Variants in OR10R2 observed in about 807,000 individuals in gnomAD.
OR10R2 encodes olfactory receptor 10R2.
OR10R2 carries 1 observed loss-of-function variant against 2.4 expected under a neutral mutation model. The observed-to-expected ratio is 0.41, with a 90% CI of 0.15 to 1.95. The LOEUF is 1.95. Ranked by LOEUF, OR10R2 falls within the 30% of genes most tolerant of loss-of-function variation. The pLI is 0.30. For synonymous variants in OR10R2, 166 were observed against 144.8 expected (o/e 1.15, Z -1.05); for missense variants, 419 against 373.0 (o/e 1.12, Z -1.01).
rs747840453 is a variant in OR10R2 at position 158,480,264 on chromosome 1, T to A, written c.354T>A (p.Ile118=). ...TGTTCTTCTTCCTTGGTTTTGCCAT[T>A]ACCAACTGCCTGCTATTGGGTGTGA... The change falls in exon 2 of 2, where the codon ATT becomes ATA. Residue 118 remains isoleucine (I), a synonymous_variant. Transcript: ENST00000641067. 9 of 1,614,008 alleles carry A rather than the reference T, an allele frequency of 5.6e-6. No individual in the cohort carries two copies. The African/African-American group carries it at 1.1e-4, about 19-fold the overall frequency.
intron 1 of OR10R2, among the ~76,000 whole-genome samples, chr1:158,477,928 A>G (rs1656300766): frequency 6.6e-6 from 1 of 152,212 alleles, no homozygotes; most frequent in Admixed American, 6.5e-5. Flanking sequence ...ACAGTAACCC[A>G]AACAGCATGG....
At chr1:158,479,818 A>C in intron 1 of OR10R2, 120 bp from the exon 2 acceptor site, 1 of 1,028,192 alleles carries the variant, frequency 9.7e-7, no homozygotes, top group Non-Finnish European at 1.5e-6. Flanking sequence ...TAGGAACCGG[A>C]AAAGGTGAAT....
exon 2 of OR10R2, chr1:158,480,210 A>C: frequency 6.2e-7 from 1 of 1,613,990 alleles, no homozygotes; most frequent in Non-Finnish European, 8.5e-7. Flanking sequence ...TGGCCAGGAC[A>C]ATCTCCTTCA....
At chr1:158,475,559 T>G (rs1357590724) in intron 1 of OR10R2, among the ~76,000 whole-genome samples, 4 of 151,994 alleles carry the variant, frequency 2.6e-5, no homozygotes, top group East Asian at 3.9e-4. Flanking sequence ...ATAAACTGTA[T>G]GCTTTTATCT....
At chr1:158,479,771 A>G (rs891226381) in intron 1 of OR10R2, 167 bp from the exon 2 acceptor site, 1 of 668,996 alleles carries the variant, frequency 1.5e-6, no homozygotes, top group Non-Finnish European at 2.6e-6. Flanking sequence ...TGAAGATGGA[A>G]GAAGAGGACC....
exon 2 of OR10R2, chr1:158,480,283 G>C: frequency 6.2e-7 from 1 of 1,614,014 alleles, no homozygotes; most frequent in Non-Finnish European, 8.5e-7. Flanking sequence ...CCTGCTATTG[G>C]GTGTGATGGG....
At chr1:158,480,864 T>G (rs1454234200) in exon 2 of OR10R2, 6 of 1,493,522 alleles carry the variant, frequency 4.0e-6, no homozygotes. Flanking sequence ...GCAAGAAAGG[T>G]TCTCTAAAAC....
intron 1 of OR10R2, among the ~76,000 whole-genome samples, chr1:158,476,498 A>G (rs917561671): frequency 1.3e-4 from 20 of 148,708 alleles, no homozygotes; most frequent in African/African-American, 5.0e-4. Flanking sequence ...CAGTGAGCCG[A>G]GATCATGCCA....
chr1:158,480,821 A>C, exon 2 of OR10R2: 1 of 1,604,746 alleles, frequency 6.2e-7, no homozygotes, highest in Non-Finnish European at 8.5e-7. Flanking sequence ...CTCAGAAACA[A>C]GGATGTCCAA....
chr1:158,478,100 C>T (rs1368490248), intron 1 of OR10R2, among the ~76,000 whole-genome samples: 3 of 152,114 alleles, frequency 2.0e-5, no homozygotes, highest in Non-Finnish European at 4.4e-5. Context: ...GCTGGCTAGC[C>T]ATCTGCAGAA....
chr1:158,480,029 T>C, exon 2 of OR10R2: 1 of 1,614,152 alleles, frequency 6.2e-7, no homozygotes, highest in Non-Finnish European at 8.5e-7. Flanking sequence ...TTTGTAGTTT[T>C]TCTTTTTCTG....
chr1:158,480,790 C>T (rs1304431696), exon 2 of OR10R2: 1 of 1,613,710 alleles, frequency 6.2e-7, no homozygotes, highest in African/African-American at 1.3e-5. Flanking sequence ...CACTCCATTA[C>T]TAAACCCCAT....
Position 158,480,773 on chromosome 1 carries a change from C to T in OR10R2, c.863C>T (p.Thr288Met), listed in dbSNP as rs62642486. The T allele has an allele frequency of 1.2e-3, 1,909 of 1,613,220 alleles. 22 individuals carry two copies. The African/African-American group carries it at 0.022, about 19-fold the overall frequency. Residue 288 changes from threonine (T) to methionine (M), a missense_variant, in exon 2 of 2, where the codon ACG (threonine) becomes ATG (methionine). Transcript: ENST00000641067. ...GACAGGCTGGTGACGGTGACATACA[C>T]GATTGTCACTCCATTACTAAACCCC...
At chr1:158,480,484 G>A (rs1479633072) in exon 2 of OR10R2, 1 of 1,613,420 alleles carries the variant, frequency 6.2e-7, no homozygotes, top group Non-Finnish European at 8.5e-7. Context: ...TGACATCTCA[G>A]CAGTCATTCT....
At chr1:158,479,646 T>C (rs1056048209) in intron 1 of OR10R2, among the ~76,000 whole-genome samples, 1 of 152,140 alleles carries the variant, frequency 6.6e-6, no homozygotes, top group Admixed American at 6.5e-5. Flanking sequence ...CAACTGACAA[T>C]AAAATAGAGA....
intron 1 of OR10R2, among the ~76,000 whole-genome samples, chr1:158,476,289 T>C (rs1371619950): frequency 1.3e-5 from 2 of 152,192 alleles, no homozygotes; most frequent in East Asian, 3.9e-4. Context: ...GGTTCATGCC[T>C]GTAACCCCAG....
intron 1 of OR10R2, among the ~76,000 whole-genome samples, chr1:158,477,831 C>T (rs1289967150): frequency 6.6e-6 from 1 of 152,000 alleles, no homozygotes; most frequent in Non-Finnish European, 1.5e-5. Flanking sequence ...CAAAAAAGCC[C>T]TCAAATAGCC....
intron 1 of OR10R2, among the ~76,000 whole-genome samples, chr1:158,473,132 C>T (rs1469357051): frequency 6.6e-6 from 1 of 152,124 alleles, no homozygotes; most frequent in Non-Finnish European, 1.5e-5. Flanking sequence ...ATGAAAAATA[C>T]CTACAAATTA....
At chr1:158,479,983 G>C in exon 2 of OR10R2, 1 of 1,613,944 alleles carries the variant, frequency 6.2e-7, no homozygotes. Context: ...CCTGTTGCTG[G>C]GTTTTTCCAG....
Sources: allele counts gnomAD v4.1 joint callset (sites outside exome capture counted in the v4.1 genomes callset), GRCh38; gene constraint gnomAD v4.1.1; transcripts MANE v1.5; gene names NCBI Gene and HGNC (gene_info 2026-07-23, HGNC 2026-07-21).